VDR: variants seen among roughly 807,000 people sequenced by gnomAD.
VDR encodes vitamin D receptor.
In VDR, 19 loss-of-function variants were observed where a neutral mutation model predicts 39.7. The ratio of observed to expected loss-of-function variants is 0.48; its 90% CI spans 0.33 to 0.70. VDR has a LOEUF of 0.70. Among genes scored for constraint, VDR ranks in the 30% least tolerant of loss-of-function variants. The probability of loss-of-function intolerance (pLI) is 0.02; values close to 1 mark genes in which losing one functional copy is unlikely to be tolerated. For synonymous variants in VDR, 242 were observed against 215.8 expected (o/e 1.12, Z -1.07); for missense variants, 442 against 570.5 (o/e 0.77, Z 2.29).
chr12:47,856,999 A>C, intron 6 of VDR, 130 bp downstream of exon 6: 3 of 1,398,822 alleles, frequency 2.1e-6, no homozygotes, highest in Non-Finnish European at 3.0e-6. Flanking sequence ...GACGCTGCAT[A>C]GCGCACAGTA....
chr12:47,900,763 G>A (rs1946543365), intron 1 of VDR, among the ~76,000 whole-genome samples: 1 of 152,154 alleles, frequency 6.6e-6, no homozygotes, highest in Admixed American at 6.5e-5. Context: ...CCAAGCTCCA[G>A]GTTGTCATCA....
At chr12:47,895,808 G>A (rs895666346) in intron 1 of VDR, among the ~76,000 whole-genome samples, 1 of 152,234 alleles carries the variant, frequency 6.6e-6, no homozygotes, top group African/African-American at 2.4e-5. Context: ...GAAAAAGTCA[G>A]ATAATCTGGC....
rs946124315 is a variant in VDR at position 47,843,110 on chromosome 12, T to G, written c.*1636A>C. On this transcript the variant is annotated 3_prime_UTR_variant, in exon 10 of 10. Transcript: ENST00000549336. Reference sequence around the variant, plus strand: ...CTGAAAACAACTCATATCTAATAAATTTAAGATTAAGCGATATATATGCTA... The same window carrying G: ...CTGAAAACAACTCATATCTAATAAAGTTAAGATTAAGCGATATATATGCTA... The G allele has an allele frequency of 2.6e-5, 4 of 152,156 alleles. No homozygotes were observed. The highest frequency in any genetic ancestry group is 9.7e-5 in the African/African-American group (4 of 41,436). The allele number at this position is 152,156 out of a possible 1,614,324, so 9.4% of individuals were successfully genotyped here. A position where few individuals can be genotyped will look rare whatever the true frequency, so the allele number is the denominator to read the frequency against.
At chr12:47,868,668 C>T (rs1373224498) in intron 3 of VDR, among the ~76,000 whole-genome samples, 1 of 152,158 alleles carries the variant, frequency 6.6e-6, no homozygotes, top group Non-Finnish European at 1.5e-5. Flanking sequence ...CTTGAGGCTT[C>T]ATCCGTCACC....
At chr12:47,871,587 C>A (rs1945881636) in intron 3 of VDR, among the ~76,000 whole-genome samples, 1 of 151,924 alleles carries the variant, frequency 6.6e-6, no homozygotes, top group East Asian at 1.9e-4. Context: ...CTTCAGCCTC[C>A]CGAGTAGCTG....
intron 2 of VDR, among the ~76,000 whole-genome samples, chr12:47,880,602 C>T (rs74085267): frequency 6.6e-6 from 1 of 152,140 alleles, no homozygotes; most frequent in African/African-American, 2.4e-5. Context: ...CCCAAAGGGA[C>T]AGAGGGAATC....
intron 1 of VDR, chr12:47,904,462 TAAAAAA>T (rs17886628): frequency 3.4e-4 from 123 of 360,248 alleles, no homozygotes; most frequent in African/African-American, 2.7e-3. Context: ...CAAAGAAAAG[TAAAAAA>T]AAAAAAAAAA....
chr12:47,868,704 C>T (rs1237449972), intron 3 of VDR, among the ~76,000 whole-genome samples: 3 of 152,122 alleles, frequency 2.0e-5, no homozygotes, highest in East Asian at 1.9e-4. Flanking sequence ...TCAGAATGCC[C>T]GTAATTCTCT....
chr12:47,865,076 C>G lies in VDR; in HGVS notation c.248G>C (p.Arg83Pro), dbSNP rs748467437. The change falls in exon 4 of 10, where the codon CGC (arginine) becomes CCC (proline). Residue 83 changes from arginine to proline, a missense_variant. Around this residue, in one of 5 missense-constraint regions of VDR, gnomAD observed 141 missense variants for 141.3 expected, o/e 1.00. Transcript: ENST00000549336. ...RRHCQACRLK[R>P]CVDIGMMKEF... ...CTTCATCATGCCGATGTCCACACAG[C>G]GTTTGAGCCGGCAGGCCTGGCAGTG... is the stretch of plus-strand genomic sequence containing the variant. The G allele has an allele frequency of 6.2e-7, 1 of 1,613,824 alleles. No individual in the cohort carries two copies. Among genetic ancestry groups the G allele is most frequent in the South Asian group, 1.1e-5 (1 of 91,082 alleles).
chr12:47,883,122 G>A (rs912319209), intron 1 of VDR, among the ~76,000 whole-genome samples: 6 of 152,138 alleles, frequency 3.9e-5, no homozygotes, highest in South Asian at 2.1e-4. Context: ...GGGCCTTTTC[G>A]TTAGGGAGAC....
At chr12:47,878,706 C>A in intron 3 of VDR, 1 of 580,950 alleles carries the variant, frequency 1.7e-6, no homozygotes. Flanking sequence ...CTGTGGGTTA[C>A]AGGCGTAATG....
chr12:47,878,959 A>C lies in VDR; in HGVS notation c.146+9T>G. ...TTTCCACTGGGGAGAGCCTGGGAGGAGGGCTCACCTGAAGAAGCCTTTGCA... is the reference window on the plus strand; with the variant it reads ...TTTCCACTGGGGAGAGCCTGGGAGGCGGGCTCACCTGAAGAAGCCTTTGCA... On this transcript the variant is annotated intron_variant, in intron 3 of 9. Coordinates refer to ENST00000549336, the MANE Select transcript of VDR (RefSeq NM_000376.3). The C allele has an allele frequency of 6.2e-7, 1 of 1,614,038 alleles. No individual in the cohort carries two copies. Among genetic ancestry groups the C allele is most frequent in the Non-Finnish European group, 8.5e-7 (1 of 1,179,950 alleles).
chr12:47,859,932 T>C (rs751112028), intron 4 of VDR, among the ~76,000 whole-genome samples: 1,117 of 108,882 alleles, frequency 0.01, 41 homozygotes, highest in East Asian at 0.059. Flanking sequence ...TTTTTCTTTC[T>C]TTCTTTCTTT....
chr12:47,886,586 C>A (rs976328344), intron 1 of VDR, among the ~76,000 whole-genome samples: 3 of 152,218 alleles, frequency 2.0e-5, no homozygotes, highest in Non-Finnish European at 4.4e-5. Context: ...GTCTCCCCAG[C>A]TCCTTCATAC....
chr12:47,879,911 G>A (rs1245152150), intron 2 of VDR, among the ~76,000 whole-genome samples: 2 of 152,194 alleles, frequency 1.3e-5, no homozygotes, highest in Admixed American at 1.3e-4. Flanking sequence ...TTGAGGAAAA[G>A]GAGAAGAGAC....
chr12:47,849,364 C>T lies in VDR; in HGVS notation c.756-2556G>A, dbSNP rs77193628. ...ACTCTTAGAGATGGCTCCTACATAA[C>T]CTCTGCAGGACTCTCCTAGGGTCAG... On this transcript the variant is annotated intron_variant, in intron 7 of 9. Transcript: ENST00000549336. Among the ~76,000 whole-genome samples, 1,066 of 152,228 alleles carry T rather than the reference C, an allele frequency of 7.0e-3. 18 individuals are homozygous for T. The highest frequency in any genetic ancestry group is 0.025 in the African/African-American group (1,019 of 41,550).
Position 47,865,144 on chromosome 12 carries a change from G to T in VDR, c.180C>A (p.Cys60Ter). ...RSMKRKALFT[C>*]PFNGDCRITK... Reference sequence around the variant, plus strand: ...TGATGCGGCAGTCCCCGTTGAAGGGGCAGGTGAATAGTGCCTTCCGCTTCA... The same window carrying T: ...TGATGCGGCAGTCCCCGTTGAAGGGTCAGGTGAATAGTGCCTTCCGCTTCA... The change falls in exon 4 of 10, where the codon TGC (cysteine) becomes TGA (stop). Residue 60 changes from cysteine (C) to a stop codon, truncating the protein, a stop_gained. Coordinates refer to ENST00000549336, the MANE Select transcript of VDR (RefSeq NM_000376.3). LOFTEE classifies it high-confidence loss of function. The T allele has an allele frequency of 6.2e-7, 1 of 1,613,512 alleles. No homozygotes were observed. The highest frequency in any genetic ancestry group is 1.7e-5 in the Admixed American group (1 of 60,024).
intron 1 of VDR, among the ~76,000 whole-genome samples, chr12:47,893,410 G>A (rs185343049): frequency 1.2e-4 from 18 of 152,140 alleles, no homozygotes; most frequent in Admixed American, 2.6e-4. Context: ...ATCAGTAGTC[G>A]AGCTAGAAGG....
At chr12:47,883,312 T>C (rs1247092536) in intron 1 of VDR, among the ~76,000 whole-genome samples, 2 of 152,192 alleles carry the variant, frequency 1.3e-5, no homozygotes, top group Admixed American at 6.5e-5. Context: ...CTTGGCCTCT[T>C]GGGACAGCTT....
Sources: allele counts gnomAD v4.1 joint callset (sites outside exome capture counted in the v4.1 genomes callset), GRCh38; gene constraint gnomAD v4.1.1; regional missense constraint gnomAD v4.1.1; transcripts MANE v1.5; gene names NCBI Gene and HGNC (gene_info 2026-07-23, HGNC 2026-07-21).